Variants in ZNF804B observed in about 807,000 individuals in gnomAD.
ZNF804B encodes the protein zinc finger 804B.
Under a neutral mutation model 101.4 loss-of-function variants are expected in ZNF804B, and 80 were observed. The observed-to-expected ratio is 0.79, with a 90% CI of 0.66 to 0.95. The LOEUF (loss-of-function observed/expected upper bound fraction) is 0.95, where lower values mean the gene tolerates loss of function less well. Ranked by LOEUF, ZNF804B falls within the 40% of genes least tolerant of loss-of-function variation. The pLI is 0.00. For synonymous variants in ZNF804B, 622 were observed against 558.8 expected, an observed-to-expected ratio of 1.11 and a Z score of -1.59; for missense variants, 1,673 against 1,561.9, an observed-to-expected ratio of 1.07 and a Z score of -1.20.
chr7:88,813,454 T>G (rs1393604455), intron 1 of ZNF804B, among the ~76,000 whole-genome samples: 1 of 151,556 alleles, frequency 6.6e-6, no homozygotes, highest in African/African-American at 2.4e-5. Flanking sequence ...GAAAAAAATG[T>G]TTAATTCTCT....
At chr7:89,215,299 A>C (rs894014640) in intron 1 of ZNF804B, among the ~76,000 whole-genome samples, 1 of 152,172 alleles carries the variant, frequency 6.6e-6, no homozygotes, top group Non-Finnish European at 1.5e-5. Flanking sequence ...AAAATTGTAA[A>C]ATTTTGAATT....
intron 1 of ZNF804B, among the ~76,000 whole-genome samples, chr7:89,171,241 G>T (rs1030354082): frequency 5.9e-5 from 9 of 151,776 alleles, no homozygotes; most frequent in Non-Finnish European, 1.2e-4. Context: ...TACCTTATTT[G>T]TTCCTTGTAG....
At chr7:89,147,375 A>G (rs758353548) in intron 1 of ZNF804B, among the ~76,000 whole-genome samples, 1 of 152,046 alleles carries the variant, frequency 6.6e-6, no homozygotes, top group Non-Finnish European at 1.5e-5. Flanking sequence ...TCATCTTAAA[A>G]TTGTGTTTGC....
chr7:88,988,344 T>C (rs1403523042), intron 1 of ZNF804B, among the ~76,000 whole-genome samples: 1 of 152,044 alleles, frequency 6.6e-6, no homozygotes, highest in African/African-American at 2.4e-5. Context: ...TGTGGAGACT[T>C]GGTTTCTGAG....
chr7:89,316,880 G>C (rs947447233), intron 2 of ZNF804B, among the ~76,000 whole-genome samples: 2 of 152,162 alleles, frequency 1.3e-5, no homozygotes, highest in Non-Finnish European at 2.9e-5. Flanking sequence ...GCCTAAGTTT[G>C]AGTGTGAAAC....
At chr7:89,130,644 G>A (rs905061563) in intron 1 of ZNF804B, among the ~76,000 whole-genome samples, 4 of 151,992 alleles carry the variant, frequency 2.6e-5, no homozygotes, top group Non-Finnish European at 4.4e-5. Context: ...ACAGCATTAC[G>A]AGACTGGGAC....
chr7:88,855,856 T>C (rs1301091851), intron 1 of ZNF804B, among the ~76,000 whole-genome samples: 2 of 152,200 alleles, frequency 1.3e-5, no homozygotes, highest in Non-Finnish European at 2.9e-5. Context: ...ATTTATTAAA[T>C]AGGGAATCCT....
chr7:89,220,171 A>G (rs1378837626), intron 2 of ZNF804B, among the ~76,000 whole-genome samples: 1 of 94,198 alleles, frequency 1.1e-5, no homozygotes, highest in Non-Finnish European at 2.3e-5. Flanking sequence ...ACGCACATAT[A>G]TATGTGTGTA....
intron 1 of ZNF804B, among the ~76,000 whole-genome samples, chr7:89,148,989 C>G (rs574184782): frequency 2.6e-5 from 4 of 152,178 alleles, no homozygotes; most frequent in African/African-American, 7.2e-5. Context: ...GGGAAACTCC[C>G]TGAGTTGCTG....
intron 1 of ZNF804B, among the ~76,000 whole-genome samples, chr7:89,012,241 A>G (rs1175513140): frequency 6.6e-6 from 1 of 151,930 alleles, no homozygotes; most frequent in African/African-American, 2.4e-5. Context: ...TGGCCACAAA[A>G]CCATTTTTTC....
chr7:89,073,127 A>G (rs1789567201), intron 1 of ZNF804B, among the ~76,000 whole-genome samples: 1 of 152,196 alleles, frequency 6.6e-6, no homozygotes, highest in African/African-American at 2.4e-5. Flanking sequence ...TTAAAAGACT[A>G]GTTATCACTA....
chr7:89,301,249 T>C (rs2115922291), intron 2 of ZNF804B, among the ~76,000 whole-genome samples: 1 of 151,780 alleles, frequency 6.6e-6, no homozygotes, highest in Non-Finnish European at 1.5e-5. Flanking sequence ...TTAGCTGATC[T>C]CCTTGATAAA....
rs1788969379 is a variant in ZNF804B, at chr7:89,220,026, TATATACGC to T, written c.249+1733_249+1740del. Among the ~76,000 whole-genome samples, 5 of 145,014 alleles carry T rather than the reference TATATACGC, an allele frequency of 3.4e-5. 1 individual carries two copies. The highest frequency in any genetic ancestry group is 1.3e-4 in the African/African-American group (5 of 38,490). ...ATGCACATATATGTGTGTATACATA[TATATACGC>T]ACATATATGTGCATATATACATATA... On this transcript the variant is annotated intron_variant, in intron 2 of 3. Coordinates refer to ENST00000333190, the MANE Select transcript of ZNF804B (RefSeq NM_181646.5).
intron 1 of ZNF804B, among the ~76,000 whole-genome samples, chr7:88,970,120 C>T (rs973330587): frequency 1.3e-4 from 19 of 151,344 alleles, no homozygotes; most frequent in African/African-American, 4.1e-4. Context: ...TTCCCCAAAG[C>T]AGTAATTGTG....
rs139037304 is a variant in ZNF804B, at chr7:88,773,482, G to A, written c.108+13398G>A. Among the ~76,000 whole-genome samples the A allele has an allele frequency of 1.2e-3, 182 of 152,254 alleles. 2 individuals are homozygous for A. The highest frequency in any genetic ancestry group is 1.3e-4 in the Non-Finnish European group (9 of 68,020). On this transcript the variant is annotated intron_variant, in intron 1 of 3. Coordinates refer to ENST00000333190, the MANE Select transcript of ZNF804B (RefSeq NM_181646.5). ...AGAGTATATTGTCTGTCAGACACTTGCTGGCCATGTAGCAAAACTGAAAGA... is the reference window on the plus strand; with the variant it reads ...AGAGTATATTGTCTGTCAGACACTTACTGGCCATGTAGCAAAACTGAAAGA...
intron 1 of ZNF804B, among the ~76,000 whole-genome samples, chr7:88,926,937 G>GGCGGT (rs1213518761): frequency 5.3e-5 from 6 of 113,188 alleles, no homozygotes; most frequent in African/African-American, 2.7e-4. Flanking sequence ...GCCGGGTGGT[G>GGCGGT]GGGAGCGGGG....
rs397791531 is a variant in ZNF804B at position 89,309,759 on chromosome 7, C to CAAAAAAAAAAAAA, written c.250-17559_250-17547dup. On this transcript the variant is annotated intron_variant, in intron 2 of 3. Coordinates refer to ENST00000333190, the MANE Select transcript of ZNF804B (RefSeq NM_181646.5). ...TGGGCTACAGAGTGAGACCCTGTCT[C>CAAAAAAAAAAAAA]AAAAAAAAAAAAAAAAAAAAAAAAA... 3.2e-4 allele frequency among the ~76,000 whole-genome samples: 23 copies of CAAAAAAAAAAAAA among 70,790 alleles called. 1 individual carries two copies. The highest frequency in any genetic ancestry group is 1.4e-3 in the African/African-American group (22 of 15,666). The allele number at this position is 70,790 out of a possible 152,430, so 46.4% of individuals were successfully genotyped here.
intron 1 of ZNF804B, among the ~76,000 whole-genome samples, chr7:89,151,080 G>T (rs1562898021): frequency 6.6e-6 from 1 of 152,048 alleles, no homozygotes; most frequent in Non-Finnish European, 1.5e-5. Context: ...AGAAAGGAAA[G>T]AAAGTTTAGA....
At chr7:88,895,825 G>A (rs1250011454) in intron 1 of ZNF804B, among the ~76,000 whole-genome samples, 1 of 152,190 alleles carries the variant, frequency 6.6e-6, no homozygotes, top group Non-Finnish European at 1.5e-5. Context: ...AACCAAAAGT[G>A]TAAAATAAAT....
Sources: gnomAD v4.1 joint callset for allele counts (sites outside exome capture counted in the v4.1 genomes callset) on GRCh38, gnomAD v4.1.1 for gene constraint, MANE v1.5 for transcripts, NCBI Gene and HGNC (gene_info 2026-07-23, HGNC 2026-07-21) for gene names.